The following MIA2 variants were observed in gnomAD, a reference collection of about 807,000 sequenced individuals.
MIA2 encodes the protein melanoma inhibitory activity protein 2.
Under a neutral mutation model 167.8 loss-of-function variants are expected in MIA2, and 127 were observed. That is an observed-to-expected ratio of 0.76 (90% CI 0.66 to 0.88). The LOEUF is 0.88. Among genes scored for constraint, MIA2 ranks in the 40% least tolerant of loss-of-function variants. The pLI is 0.00. For missense variants in MIA2, 1,690 were observed against 1,624.7 expected (o/e 1.04, Z -0.69); for synonymous variants, 552 against 541.9 (o/e 1.02, Z -0.26).
chr14:39,337,920 G>T (rs1489051754), intron 25 of MIA2, among the ~76,000 whole-genome samples: 1 of 151,986 alleles, frequency 6.6e-6, no homozygotes, highest in Non-Finnish European at 1.5e-5. Flanking sequence ...ACAGGGTTTT[G>T]CCATTTTAGC....
At chr14:39,293,207 C>A in intron 10 of MIA2, 64 bp from the exon 11 acceptor site, 1 of 1,083,314 alleles carries the variant, frequency 9.2e-7, no homozygotes, top group Non-Finnish European at 1.4e-6. Flanking sequence ...TTTTATTATG[C>A]TCGTCTGATT....
intron 18 of MIA2, among the ~76,000 whole-genome samples, chr14:39,312,221 A>G (rs2064442906): frequency 1.3e-5 from 2 of 152,212 alleles, no homozygotes; most frequent in Admixed American, 1.3e-4. Context: ...GGGAAGGTAC[A>G]TAAACCTCAC....
chr14:39,343,993 C>T (rs1255047418), intron 25 of MIA2, among the ~76,000 whole-genome samples: 3 of 151,906 alleles, frequency 2.0e-5, no homozygotes, highest in Non-Finnish European at 4.4e-5. Context: ...TGTATATTTC[C>T]TTTTATTAAG....
At position 39,240,566 on chromosome 14, in the gene MIA2, A is replaced by G; in HGVS notation, c.255A>G (p.Gly85=). Residue 85 remains glycine (G), a synonymous_variant, in exon 3 of 29, where the codon GGA becomes GGG. Transcript: ENST00000640607. ...TTTGTTCTTCATTTTGACAGAAAGG[A>G]AAGGAGTTTGGATATTTTCCCAGAG... ...EREDLWAGSK[G]KEFGYFPRDA... is the part of the protein sequence containing the mutation. 1.2e-6 allele frequency: 2 copies of G among 1,608,934 alleles called. No individual in the cohort carries two copies. Among genetic ancestry groups the G allele is most frequent in the Non-Finnish European group, 1.7e-6 (2 of 1,175,832 alleles).
chr14:39,363,279 C>T lies in MIA2; in HGVS notation c.2248+14302C>T, dbSNP rs1417597861. On this transcript the variant is annotated intron_variant, in intron 23 of 23. Transcript: ENST00000341502. ...GTGCTGTGGCTCACACCTGTAATCT[C>T]AGCACTTTGGGAGGCCAAGGTGGGA... 2.0e-5 allele frequency among the ~76,000 whole-genome samples: 3 copies of T among 152,324 alleles called. No homozygotes were observed. In the East Asian group the frequency reaches 5.8e-4, roughly 29 times the overall value.
At chr14:39,369,145 G>A (rs1203602893) in intron 23 of MIA2, among the ~76,000 whole-genome samples, 1 of 152,160 alleles carries the variant, frequency 6.6e-6, no homozygotes. Flanking sequence ...TTCAGACTGG[G>A]AGATCTTTTT....
chr14:39,299,792 A>G (rs1015930336), intron 13 of MIA2, 72 bp from the exon 14 acceptor site: 4 of 1,502,084 alleles, frequency 2.7e-6, no homozygotes, highest in South Asian at 1.3e-5. Context: ...AAGTAGCTAC[A>G]TAATGCCTTC....
chr14:39,365,661 ATCT>A (rs2074806286), intron 23 of MIA2, among the ~76,000 whole-genome samples: 1 of 34,046 alleles, frequency 2.9e-5, no homozygotes, highest in Non-Finnish European at 5.1e-5. Flanking sequence ...CTATCTATCT[ATCT>A]ATCTATCTAT....
chr14:39,298,707 T>C (rs868673766), intron 13 of MIA2, among the ~76,000 whole-genome samples: 27 of 151,612 alleles, frequency 1.8e-4, no homozygotes, highest in Middle Eastern at 6.8e-3. Flanking sequence ...AGTCTTCTTT[T>C]TTCTTTGCCT....
chr14:39,304,424 G>C, intron 17 of MIA2, 43 bp downstream of exon 17: 1 of 1,074,894 alleles, frequency 9.3e-7, no homozygotes, highest in Non-Finnish European at 1.4e-6. Flanking sequence ...TTCTAAGTAA[G>C]TACATCTCTT....
At chr14:39,362,149 G>GT (rs1268618558) in intron 23 of MIA2, among the ~76,000 whole-genome samples, 2 of 151,952 alleles carry the variant, frequency 1.3e-5, no homozygotes, top group African/African-American at 4.8e-5. Flanking sequence ...CTATAGTTTT[G>GT]TTTTTTTGTT....
At chr14:39,274,908 C>G (rs2057725077) in intron 6 of MIA2, among the ~76,000 whole-genome samples, 3 of 149,132 alleles carry the variant, frequency 2.0e-5, no homozygotes. Context: ...AACCCTGTCT[C>G]TACTAAAAAT....
chr14:39,314,921 A>AG (rs2065109267), intron 20 of MIA2, 122 bp downstream of exon 20: 1 of 708,312 alleles, frequency 1.4e-6, no homozygotes, highest in Admixed American at 4.0e-5. Context: ...ACCTCTTTTG[A>AG]GGTGTTGCAT....
At chr14:39,380,254 A>G (rs1445358484) in intron 23 of MIA2, among the ~76,000 whole-genome samples, 1 of 152,246 alleles carries the variant, frequency 6.6e-6, no homozygotes, top group East Asian at 1.9e-4. Context: ...AAGGGGAGAG[A>G]AAGCTGAAAA....
Position 39,313,366 on chromosome 14 carries a change from G to C in MIA2, c.3044G>C (p.Arg1015Pro), listed in dbSNP as rs547480162. 6.3e-7 allele frequency: 1 copy of C among 1,595,566 alleles called. No homozygotes were observed. The highest frequency in any genetic ancestry group is 8.5e-7 in the Non-Finnish European group (1 of 1,170,626). ...HRKLTVEENYRLEKEEKLSKV... is the reference protein window; with the variant it reads ...HRKLTVEENYPLEKEEKLSKV... ...AAATTAACAGTAGAGGAAAATTATCGGTTAGAGAAAGAAGAGAAACTTTCT... is the reference window on the plus strand; with the variant it reads ...AAATTAACAGTAGAGGAAAATTATCCGTTAGAGAAAGAAGAGAAACTTTCT... The change falls in exon 19 of 29, where the codon CGG (arginine) becomes CCG (proline). Residue 1015 changes from arginine to proline, a missense_variant. Coordinates refer to ENST00000640607, the MANE Select transcript of MIA2 (RefSeq NM_001329214.4).
intron 4 of MIA2, among the ~76,000 whole-genome samples, chr14:39,250,956 C>G (rs117084519): frequency 6.6e-6 from 1 of 151,714 alleles, no homozygotes; most frequent in Non-Finnish European, 1.5e-5. Context: ...AAAAGCAACA[C>G]GAGATCATGC....
chr14:39,336,585 A>G (rs1417030977), intron 25 of MIA2, among the ~76,000 whole-genome samples: 1 of 152,234 alleles, frequency 6.6e-6, no homozygotes, highest in Non-Finnish European at 1.5e-5. Context: ...AGTGTTGAAC[A>G]GTCTACAATG....
chr14:39,357,980 T>C (rs1352132121), intron 23 of MIA2, among the ~76,000 whole-genome samples: 1 of 152,236 alleles, frequency 6.6e-6, no homozygotes, highest in African/African-American at 2.4e-5. Flanking sequence ...CTGGCTGCCC[T>C]TAACATTTTT....
rs191046483 is a variant in MIA2 at position 39,246,976 on chromosome 14, C to T, written c.402C>T (p.Asn134=). ...YTFDNEDSEL[N]GDYGENIYPY... ...TTGACAATGAAGATAGTGAATTAAA[C>T]GGTGATTATGGTGAAAATATATATC... The change falls in exon 4 of 29, where the codon AAC becomes AAT. Residue 134 remains asparagine, a synonymous_variant. Coordinates refer to ENST00000640607, the MANE Select transcript of MIA2 (RefSeq NM_001329214.4). 90 of 1,547,760 alleles carry T rather than the reference C, an allele frequency of 5.8e-5. No individual in the cohort carries two copies. Among genetic ancestry groups the T allele is most frequent in the South Asian group, 2.2e-4 (17 of 77,906 alleles).
Sources: gnomAD v4.1 joint callset for allele counts (sites outside exome capture counted in the v4.1 genomes callset) on GRCh38, gnomAD v4.1.1 for gene constraint, MANE v1.5 for transcripts, NCBI Gene and HGNC (gene_info 2026-07-23, HGNC 2026-07-21) for gene names.